KNDC1: variants seen among roughly 807,000 people sequenced by gnomAD.
The protein encoded by KNDC1 is kinase non-catalytic C-lobe domain-containing protein 1.
KNDC1 carries 106 observed loss-of-function variants against 172.8 expected under a neutral mutation model. The observed-to-expected ratio is 0.61, with a 90% confidence interval of 0.52 to 0.72. The LOEUF (loss-of-function observed/expected upper bound fraction) is 0.72. Among genes scored for constraint, KNDC1 ranks in the 30% least tolerant of loss-of-function variants. KNDC1 has a pLI of 0.00. For missense variants in KNDC1, 2,325 were observed against 2,394.5 expected (o/e 0.97, Z 0.61); for synonymous variants, 1,083 against 1,062.2 (o/e 1.02, Z -0.38).
chr10:133,204,873 GGCTGCC>G (rs1854479507), intron 17 of KNDC1, among the ~76,000 whole-genome samples: 1 of 152,036 alleles, frequency 6.6e-6, no homozygotes, highest in East Asian at 1.9e-4. Flanking sequence ...GCGGGCCGAG[GGCTGCC>G]GCGCCTCTCA....
chr10:133,167,763 G>A (rs1320276606), intron 2 of KNDC1, among the ~76,000 whole-genome samples, 184 bp downstream of exon 2: 5 of 152,188 alleles, frequency 3.3e-5, no homozygotes, highest in Non-Finnish European at 7.3e-5. Context: ...GGTCCGTGGG[G>A]GTGCCTGCTG....
At position 133,186,075 on chromosome 10, in the gene KNDC1, C is replaced by G. The variant is rs1412809531; in HGVS notation, c.727C>G (p.Pro243Ala). Residue 243 changes from proline (P) to alanine (A), a missense_variant, in exon 6 of 30, where the codon CCC becomes GCC. Coordinates refer to ENST00000304613, the MANE Select transcript of KNDC1 (RefSeq NM_152643.8). ...PSTDPEVLPT[P>A]EGPESETSRG... The stretch of plus-strand genomic sequence containing the variant: ...CACTGACCCGGAGGTTCTGCCGACC[C>G]CCGAAGGCCCGGAGTCTGAGACGAG... The G allele has an allele frequency of 6.3e-7, 1 of 1,598,510 alleles. No homozygotes were observed. The highest frequency in any genetic ancestry group is 1.7e-5 in the Admixed American group (1 of 58,272).
intron 1 of KNDC1, chr10:133,167,167 C>T (rs530989012): frequency 1.5e-4 from 87 of 590,516 alleles, no homozygotes; most frequent in Non-Finnish European, 2.4e-4. Context: ...GGCAGCACGC[C>T]GACGGTGCCA....
intron 1 of KNDC1, 114 bp downstream of exon 1, chr10:133,160,683 A>G (rs56406605): frequency 9.9e-6 from 6 of 603,306 alleles, no homozygotes; most frequent in East Asian, 7.0e-5. Context: ...GGCGCCCTCC[A>G]TGGCCGAGGG....
chr10:133,178,665 C>T (rs1853628161), intron 3 of KNDC1, among the ~76,000 whole-genome samples: 1 of 152,192 alleles, frequency 6.6e-6, no homozygotes, highest in African/African-American at 2.4e-5. Flanking sequence ...GCCTCTGTGC[C>T]TCCTGAGTCT....
At chr10:133,202,469 C>T (rs1176150946) in intron 17 of KNDC1, 3 of 394,656 alleles carry the variant, frequency 7.6e-6, no homozygotes, top group Admixed American at 2.9e-5. Flanking sequence ...GAGCTCTGGA[C>T]GCAAGGTGGG....
At chr10:133,212,986 C>A in intron 24 of KNDC1, 64 bp downstream of exon 24, 1 of 1,378,658 alleles carries the variant, frequency 7.3e-7, no homozygotes, top group Non-Finnish European at 1.0e-6. Flanking sequence ...ACACTCCGCG[C>A]CCATAGGGCC....
chr10:133,198,758 G>A lies in KNDC1; in HGVS notation c.2250G>A (p.Val750=), dbSNP rs1347876778. The change falls in exon 14 of 30, where the codon GTG becomes GTA. Residue 750 remains valine, a synonymous_variant. Transcript: ENST00000304613. ...GAAPEPLGAS[V]QRDSAQGRPC... is the part of the protein sequence containing the mutation. ...CCCCAGAGCCTCTTGGGGCGTCAGT[G>A]CAGCGTGACTCAGCCCAGGGCCGCC... is the stretch of plus-strand genomic sequence containing the variant. 2 of 1,585,306 alleles carry A rather than the reference G, an allele frequency of 1.3e-6. No individual in the cohort carries two copies. The highest frequency in any genetic ancestry group is 8.6e-7 in the Non-Finnish European group (1 of 1,166,746).
chr10:133,175,376 G>T (rs536250659), intron 3 of KNDC1, among the ~76,000 whole-genome samples: 2 of 150,510 alleles, frequency 1.3e-5, no homozygotes, highest in African/African-American at 4.9e-5. Flanking sequence ...GTGGTTGTAT[G>T]TGTGGAGGAT....
chr10:133,176,694 A>G (rs1242064820), intron 3 of KNDC1, among the ~76,000 whole-genome samples: 3 of 152,086 alleles, frequency 2.0e-5, no homozygotes, highest in African/African-American at 7.2e-5. Context: ...GGCTGGCCCC[A>G]CTCCAGTTCC....
intron 1 of KNDC1, among the ~76,000 whole-genome samples, chr10:133,161,338 C>T (rs1327138749): frequency 6.6e-6 from 1 of 152,230 alleles, no homozygotes; most frequent in African/African-American, 2.4e-5. Context: ...CAGGCAAGAG[C>T]CCAGACGCTG....
At position 133,220,026 on chromosome 10, in the gene KNDC1, G is replaced by C. The variant is rs1205476825; in HGVS notation, c.4932G>C (p.Ser1644=). The C allele has an allele frequency of 6.4e-7, 1 of 1,555,564 alleles. No individual in the cohort carries two copies. The change falls in exon 29 of 30, where the codon TCG becomes TCC. Residue 1644 remains serine (S), a synonymous_variant. Coordinates refer to ENST00000304613, the MANE Select transcript of KNDC1 (RefSeq NM_152643.8). ...RRFRAQPTLP[S]AHLLAMHIQQ... ...TCCGGGCGCAGCCCACCCTGCCCTCGGCCCACCTCCTGGCCATGCACATCC... is the reference window on the plus strand; with the variant it reads ...TCCGGGCGCAGCCCACCCTGCCCTCCGCCCACCTCCTGGCCATGCACATCC...
At chr10:133,179,909 G>A (rs1043530274) in intron 3 of KNDC1, among the ~76,000 whole-genome samples, 4 of 152,208 alleles carry the variant, frequency 2.6e-5, no homozygotes, top group Non-Finnish European at 5.9e-5. Flanking sequence ...AGCCAGGCAG[G>A]GCCACTCGGT....
chr10:133,166,040 C>T (rs1335559992), intron 1 of KNDC1, among the ~76,000 whole-genome samples: 3 of 152,340 alleles, frequency 2.0e-5, no homozygotes, highest in East Asian at 1.9e-4. Flanking sequence ...CTGATCCCGT[C>T]GTTTGTTGGC....
chr10:133,224,955 G>A lies in KNDC1; in HGVS notation c.*65G>A, dbSNP rs900602149. 2 of 1,329,156 alleles carry A rather than the reference G, an allele frequency of 1.5e-6. No individual in the cohort carries two copies. The highest frequency in any genetic ancestry group is 2.9e-5 in the African/African-American group (2 of 68,616). The allele number at this position is 1,329,156 out of a possible 1,614,324, so 82.3% of individuals were successfully genotyped here. A position where few individuals can be genotyped will look rare whatever the true frequency, so the allele number is the denominator to read the frequency against. ...GACTGTGGGGGGCGGGCTGGGAGGT[G>A]GGAGCCGCGTCTCAGGCCCGGCCGT... On this transcript the variant is annotated 3_prime_UTR_variant, in exon 30 of 30. Transcript: ENST00000304613. This position sits in a 1 kb window ranked among gnomAD's most constrained non-coding sequence, Gnocchi z 5.4.
rs1317544201 is a variant in KNDC1, at chr10:133,183,910, A to G, written c.546A>G (p.Thr182=). 6.2e-7 allele frequency: 1 copy of G among 1,602,658 alleles called. No homozygotes were observed. The change falls in exon 5 of 30, where the codon ACA becomes ACG. Residue 182 remains threonine (T), a synonymous_variant. Transcript: ENST00000304613. ...IALCEEKLQL[T]SSCRVCRSLS... is the part of the protein sequence containing the mutation. ...TGTGTGAAGAGAAGCTGCAGCTCAC[A>G]TCCTCCTGTCGCGTGTGCCGGAGCC... is the stretch of plus-strand genomic sequence containing the variant.
rs1032414750 is a variant in KNDC1, at chr10:133,184,239, G to A, written c.625+250G>A. Among the ~76,000 whole-genome samples, 29 of 97,044 alleles carry A rather than the reference G, an allele frequency of 3.0e-4. No individual in the cohort carries two copies. The South Asian group carries it at 4.2e-3, about 14-fold the overall frequency. 63.7% of individuals were successfully genotyped at this position (97,044 alleles called of 152,430 possible). Reference sequence around the variant, plus strand: ...CACACCCATGCACACACACCCATGCGCACACACTGCACACACACGTTACAC... The same window carrying A: ...CACACCCATGCACACACACCCATGCACACACACTGCACACACACGTTACAC... On this transcript the variant is annotated intron_variant, in intron 5 of 29. Coordinates refer to ENST00000304613, the MANE Select transcript of KNDC1 (RefSeq NM_152643.8).
intron 6 of KNDC1, among the ~76,000 whole-genome samples, chr10:133,186,900 C>A (rs1242482340): frequency 6.6e-6 from 1 of 152,218 alleles, no homozygotes; most frequent in East Asian, 1.9e-4. Context: ...ACGTTTGCCT[C>A]TGGATGACCC....
chr10:133,184,645 C>T (rs1057368217), intron 5 of KNDC1, among the ~76,000 whole-genome samples: 2 of 152,240 alleles, frequency 1.3e-5, no homozygotes, highest in African/African-American at 2.4e-5. Flanking sequence ...TGGTCAGACA[C>T]GCAAACATGC....
Sources: gnomAD v4.1 joint callset for allele counts (sites outside exome capture counted in the v4.1 genomes callset) on GRCh38, gnomAD v4.1.1 for gene constraint, Gnocchi (gnomAD v3.1) non-coding constraint, MANE v1.5 for transcripts, NCBI Gene and HGNC (gene_info 2026-07-23, HGNC 2026-07-21) for gene names.